The following STX8 variants were observed in gnomAD, a reference collection of about 807,000 sequenced individuals.
STX8 encodes the protein syntaxin-8.
STX8 carries 23 observed loss-of-function variants against 37.5 expected under a neutral mutation model. That is an observed-to-expected ratio of 0.61 (90% CI 0.44 to 0.87). The LOEUF (loss-of-function observed/expected upper bound fraction) is 0.87. STX8 is among the 40% of genes least tolerant of loss of function. The probability of loss-of-function intolerance (pLI) is 0.00; values close to 1 mark genes in which losing one functional copy is unlikely to be tolerated. For missense variants in STX8, 313 were observed against 284.7 expected, an observed-to-expected ratio of 1.10 and a Z score of -0.71; for synonymous variants, 115 against 99.1, an observed-to-expected ratio of 1.16 and a Z score of -0.95.
intron 6 of STX8, among the ~76,000 whole-genome samples, chr17:9,439,896 AT>A (rs1333383882): frequency 1.3e-5 from 2 of 151,746 alleles, no homozygotes; most frequent in East Asian, 3.9e-4. Flanking sequence ...ACACATTACC[AT>A]TTTTTCCTTT....
At chr17:9,353,722 T>G (rs961709679) in intron 7 of STX8, among the ~76,000 whole-genome samples, 1 of 152,172 alleles carries the variant, frequency 6.6e-6, no homozygotes, top group African/African-American at 2.4e-5. Flanking sequence ...AATATCCAAC[T>G]AAGGGTGCGT....
chr17:9,356,083 A>C (rs1012151295), intron 7 of STX8, among the ~76,000 whole-genome samples: 5 of 152,166 alleles, frequency 3.3e-5, no homozygotes, highest in Non-Finnish European at 5.9e-5. Flanking sequence ...ATGTAAGCCA[A>C]CTTAACTAGA....
chr17:9,377,664 G>A (rs536447442), intron 7 of STX8, among the ~76,000 whole-genome samples: 6 of 152,096 alleles, frequency 3.9e-5, no homozygotes, highest in Non-Finnish European at 8.8e-5. Context: ...GTCTCGCCAT[G>A]TTGCCCAGGC....
At chr17:9,506,489 G>C (rs1349986511) in intron 4 of STX8, among the ~76,000 whole-genome samples, 2 of 140,504 alleles carry the variant, frequency 1.4e-5, no homozygotes, top group African/African-American at 5.3e-5. Flanking sequence ...GTGTGGGAAA[G>C]TGCTGAACTG....
chr17:9,415,312 A>C (rs1375414470), intron 6 of STX8, among the ~76,000 whole-genome samples: 1 of 152,030 alleles, frequency 6.6e-6, no homozygotes, highest in Non-Finnish European at 1.5e-5. Flanking sequence ...AAGATCCTTC[A>C]CTTGATGTTG....
chr17:9,435,114 A>C (rs1904384198), intron 6 of STX8, among the ~76,000 whole-genome samples: 1 of 152,170 alleles, frequency 6.6e-6, no homozygotes, highest in Admixed American at 6.5e-5. Context: ...CTCCTACCTC[A>C]TAACCTTGAA....
At chr17:9,263,636 A>G (rs1907125853) in intron 7 of STX8, among the ~76,000 whole-genome samples, 1 of 152,166 alleles carries the variant, frequency 6.6e-6, no homozygotes, top group Admixed American at 6.5e-5. Context: ...CTAGACTTTG[A>G]GGTTATTTCA....
intron 6 of STX8, among the ~76,000 whole-genome samples, chr17:9,386,104 CAAA>C (rs57683285): frequency 0.06 from 7,076 of 118,546 alleles, 573 homozygotes; most frequent in African/African-American, 0.19. Context: ...GCCTATTTCT[CAAA>C]AAAAAAAAAA....
chr17:9,302,891 G>A (rs1337464489), intron 7 of STX8, among the ~76,000 whole-genome samples: 1 of 151,272 alleles, frequency 6.6e-6, no homozygotes, highest in Non-Finnish European at 1.5e-5. Context: ...TATTTTTATT[G>A]TAGTAGTGGT....
At chr17:9,353,975 C>T (rs1910795932) in intron 7 of STX8, among the ~76,000 whole-genome samples, 1 of 152,160 alleles carries the variant, frequency 6.6e-6, no homozygotes, top group Non-Finnish European at 1.5e-5. Flanking sequence ...CTCCTTCTGA[C>T]TTTCCTCCTC....
At chr17:9,396,029 ATGAAAAG>A (rs1567542652) in intron 6 of STX8, among the ~76,000 whole-genome samples, 1 of 152,218 alleles carries the variant, frequency 6.6e-6, no homozygotes, top group Non-Finnish European at 1.5e-5. Context: ...TAGCCCCTCA[ATGAAAAG>A]TTTACTTTAA....
chr17:9,281,079 G>A (rs531145318), intron 7 of STX8, among the ~76,000 whole-genome samples: 1 of 152,226 alleles, frequency 6.6e-6, no homozygotes, highest in East Asian at 1.9e-4. Flanking sequence ...TGGTGGAGGG[G>A]GAGGGTTCAC....
At chr17:9,549,556 C>A (rs1597737556) in intron 3 of STX8, among the ~76,000 whole-genome samples, 1 of 152,200 alleles carries the variant, frequency 6.6e-6, no homozygotes, top group Non-Finnish European at 1.5e-5. Context: ...CCTTGAGATG[C>A]TGACTTAACT....
Position 9,334,107 on chromosome 17 carries a change from T to G in STX8, c.643+44445A>C, listed in dbSNP as rs1320967838. On this transcript the variant is annotated intron_variant, in intron 7 of 7. Transcript: ENST00000306357. ...CGAAGGTGAAATCATGGGTCGTCCC[T>G]GTCTTCTTGCACTGAGTCAGTTCCT... Among the ~76,000 whole-genome samples the G allele has an allele frequency of 3.4e-5, 5 of 146,332 alleles. No homozygotes were observed. The South Asian group carries it at 6.8e-4, about 20-fold the overall frequency.
At chr17:9,484,775 C>T (rs1007583043) in intron 6 of STX8, among the ~76,000 whole-genome samples, 8 of 151,956 alleles carry the variant, frequency 5.3e-5, no homozygotes, top group African/African-American at 9.7e-5. Context: ...TGCCATGAGG[C>T]GAGATCGTGC....
At chr17:9,488,821 A>AGAGAGT (rs563653738) in intron 6 of STX8, among the ~76,000 whole-genome samples, 5 of 144,014 alleles carry the variant, frequency 3.5e-5, no homozygotes, top group African/African-American at 1.3e-4. Context: ...AGAGAGAGAG[A>AGAGAGT]GTGTGTGTGT....
intron 7 of STX8, among the ~76,000 whole-genome samples, chr17:9,280,302 G>A (rs1323902351): frequency 2.0e-5 from 3 of 152,242 alleles, no homozygotes; most frequent in Non-Finnish European, 4.4e-5. Flanking sequence ...GCTCACGCCT[G>A]TAATCCCAGA....
intron 4 of STX8, among the ~76,000 whole-genome samples, chr17:9,519,459 C>T (rs944282376): frequency 6.6e-6 from 1 of 152,136 alleles, no homozygotes; most frequent in Non-Finnish European, 1.5e-5. Context: ...CTGCCCTCCC[C>T]ATTGGTACTG....
chr17:9,485,689 G>A (rs1906564270), intron 6 of STX8, among the ~76,000 whole-genome samples: 2 of 151,852 alleles, frequency 1.3e-5, no homozygotes, highest in Non-Finnish European at 1.5e-5. Flanking sequence ...AGGTTCAAGT[G>A]ATTCTCCTGC....
Sources: gnomAD v4.1 joint callset for allele counts (sites outside exome capture counted in the v4.1 genomes callset) on GRCh38, gnomAD v4.1.1 for gene constraint, MANE v1.5 for transcripts, NCBI Gene and HGNC (gene_info 2026-07-23, HGNC 2026-07-21) for gene names.